The following IL1RAPL2 variants were observed in gnomAD, a reference collection of about 807,000 sequenced individuals.
The protein encoded by IL1RAPL2 is interleukin 1 receptor accessory protein like 2.
IL1RAPL2 carries 3 observed loss-of-function variants against 44.1 expected under a neutral mutation model. The observed-to-expected ratio is 0.07, with a 90% CI of 0.03 to 0.18. IL1RAPL2 has a LOEUF of 0.18. IL1RAPL2 is among the 10% of genes least tolerant of loss of function. The pLI, the probability that IL1RAPL2 is intolerant of heterozygous loss-of-function variation, is 1.00. For missense variants in IL1RAPL2, 391 were observed against 496.4 expected (o/e 0.79, Z 2.02); for synonymous variants, 181 against 178.8 (o/e 1.01, Z -0.10).
Position 105,701,496 on chromosome X carries a change from T to C in IL1RAPL2, c.773-15871T>C, listed in dbSNP as rs115704671. 5.0e-3 allele frequency among the ~76,000 whole-genome samples: 552 copies of C among 111,326 alleles called. 5 individuals are homozygous for C. The highest frequency in any genetic ancestry group is 0.017 in the African/African-American group (528 of 30,653). ...GCAATTCCTCTTACCAGCTTCTCAG[T>C]TGGTTTAAAATGTGTATGTCATTCC... On this transcript the variant is annotated intron_variant, in intron 6 of 10. Transcript: ENST00000372582.
intron 5 of IL1RAPL2, among the ~76,000 whole-genome samples, chrX:105,415,765 C>T (rs758754088): frequency 2.0e-4 from 22 of 111,038 alleles, no homozygotes; most frequent in Non-Finnish European, 4.0e-4. Context: ...TAGCACATTA[C>T]GATCTGCATT....
intron 2 of IL1RAPL2, among the ~76,000 whole-genome samples, chrX:104,947,008 T>C (rs1214574393): frequency 9.7e-6 from 1 of 103,332 alleles, no homozygotes; most frequent in Non-Finnish European, 2.0e-5. Context: ...TCCACAATGG[T>C]TGAACTAGTT....
chrX:104,770,345 C>G (rs1932621879), intron 2 of IL1RAPL2, among the ~76,000 whole-genome samples: 1 of 111,241 alleles, frequency 9.0e-6, no homozygotes, highest in African/African-American at 3.3e-5. Flanking sequence ...AAGAATAACT[C>G]AAAAGAATGA....
intron 1 of IL1RAPL2, among the ~76,000 whole-genome samples, chrX:104,634,567 C>G (rs1160564767): frequency 8.9e-6 from 1 of 112,057 alleles, no homozygotes; most frequent in African/African-American, 3.2e-5. Context: ...GTTAGCTCTT[C>G]TTGTTGAATT....
At chrX:105,691,738 CAT>C (rs1365998224) in intron 6 of IL1RAPL2, among the ~76,000 whole-genome samples, 3 of 111,468 alleles carry the variant, frequency 2.7e-5, no homozygotes, top group African/African-American at 9.8e-5. Flanking sequence ...AGAAGCCAGA[CAT>C]ATGTTTTAAC....
chrX:105,714,837 A>C (rs1038589866), intron 6 of IL1RAPL2, among the ~76,000 whole-genome samples: 2 of 112,316 alleles, frequency 1.8e-5, no homozygotes, highest in Non-Finnish European at 3.8e-5. Context: ...CTCATATACA[A>C]GTTATGACTT....
intron 1 of IL1RAPL2, among the ~76,000 whole-genome samples, chrX:104,582,773 TTCTC>T (rs772995203): frequency 9.0e-5 from 9 of 99,855 alleles, no homozygotes; most frequent in East Asian, 3.1e-4. Context: ...TCTTTTTTCT[TTCTC>T]TCTCTCTTTC....
intron 6 of IL1RAPL2, among the ~76,000 whole-genome samples, chrX:105,486,582 G>A (rs1430728936): frequency 1.8e-5 from 2 of 110,777 alleles, no homozygotes; most frequent in Admixed American, 1.9e-4. Context: ...CCTTGAACTG[G>A]GATAAAAATA....
rs1433331200 is a variant in IL1RAPL2, at chrX:105,447,098, TATATATATAA to T, written c.698-37213_698-37204del. On this transcript the variant is annotated intron_variant, in intron 5 of 10. Transcript: ENST00000372582. ...AATTATATATATATATATATATATA[TATATATATAA>T]AAATATATATAAATATAAATATATA... is the stretch of plus-strand genomic sequence containing the variant. Among the ~76,000 whole-genome samples the T allele has an allele frequency of 1.4e-4, 8 of 58,135 alleles. 1 individual carries two copies. The highest frequency in any genetic ancestry group is 6.5e-4 in the African/African-American group (6 of 9,251). The allele number at this position is 58,135 out of a possible 115,157, so 50.5% of individuals were successfully genotyped here. A position where few individuals can be genotyped will look rare whatever the true frequency, so the allele number is the denominator to read the frequency against.
intron 1 of IL1RAPL2, among the ~76,000 whole-genome samples, chrX:104,589,740 A>T (rs1462551154): frequency 9.0e-6 from 1 of 111,479 alleles, no homozygotes. Context: ...ATGTGTAAAG[A>T]CTCAAAAGGG....
chrX:105,727,199 G>C (rs1226432589), intron 7 of IL1RAPL2, among the ~76,000 whole-genome samples: 1 of 111,018 alleles, frequency 9.0e-6, no homozygotes, highest in Non-Finnish European at 1.9e-5. Flanking sequence ...AATGAAAATT[G>C]GTCTTAGAAA....
At chrX:104,848,598 T>G (rs1295068959) in intron 2 of IL1RAPL2, among the ~76,000 whole-genome samples, 1 of 107,820 alleles carries the variant, frequency 9.3e-6, no homozygotes, top group African/African-American at 3.3e-5. Context: ...AATAATTGGT[T>G]TTGTTAGAAA....
In IL1RAPL2 at chrX:104,650,312, C is replaced by T. The variant is rs192393278; in HGVS notation, c.-19-8583C>T. On this transcript the variant is annotated intron_variant, in intron 1 of 10. Transcript: ENST00000372582. ...GCTCCTGTACACTTTCTTCACACAG[C>T]AGTAAGTTGGTTGTAAAATCACCAA... is the stretch of plus-strand genomic sequence containing the variant. Among the ~76,000 whole-genome samples the T allele has an allele frequency of 4.6e-4, 52 of 111,862 alleles. No individual in the cohort carries two copies. In the East Asian group the frequency reaches 0.014, roughly 30 times the overall value.
chrX:105,054,542 TC>T (rs976959343), intron 2 of IL1RAPL2, among the ~76,000 whole-genome samples: 2 of 111,921 alleles, frequency 1.8e-5, no homozygotes, highest in Admixed American at 1.9e-4. Flanking sequence ...CATTTCAGCC[TC>T]CCCAGTAGCT....
intron 2 of IL1RAPL2, among the ~76,000 whole-genome samples, chrX:104,687,013 C>T (rs1051294367): frequency 8.1e-5 from 9 of 111,791 alleles, no homozygotes; most frequent in Non-Finnish European, 1.5e-4. Context: ...AGGTGCTACA[C>T]GAAACAGAAG....
chrX:104,737,609 A>G (rs957939759), intron 2 of IL1RAPL2, among the ~76,000 whole-genome samples: 3 of 112,070 alleles, frequency 2.7e-5, no homozygotes, highest in African/African-American at 9.7e-5. Context: ...AATAGATGAC[A>G]GTTACTGCCC....
At chrX:105,407,291 C>G (rs1468760476) in intron 5 of IL1RAPL2, among the ~76,000 whole-genome samples, 1 of 110,332 alleles carries the variant, frequency 9.1e-6, no homozygotes, top group African/African-American at 3.3e-5. Flanking sequence ...GATATTGCTG[C>G]CTTTTGAACG....
intron 5 of IL1RAPL2, among the ~76,000 whole-genome samples, chrX:105,368,298 C>A (rs1421268794): frequency 9.0e-6 from 1 of 111,440 alleles, no homozygotes; most frequent in Non-Finnish European, 1.9e-5. Context: ...TTTCTGCTTT[C>A]TGCCATAAGT....
intron 2 of IL1RAPL2, among the ~76,000 whole-genome samples, chrX:104,673,943 G>T (rs1317250633): frequency 9.0e-6 from 1 of 110,866 alleles, no homozygotes; most frequent in Non-Finnish European, 1.9e-5. Context: ...TTTGTACATT[G>T]ATTTTGTATC....
Sources: gnomAD v4.1 joint callset for allele counts (sites outside exome capture counted in the v4.1 genomes callset) on GRCh38, gnomAD v4.1.1 for gene constraint, MANE v1.5 for transcripts, NCBI Gene and HGNC (gene_info 2026-07-23, HGNC 2026-07-21) for gene names.